NCAM2: variants seen among roughly 807,000 people sequenced by gnomAD.
NCAM2 encodes the protein neural cell adhesion molecule 2.
NCAM2 carries 30 observed loss-of-function variants against 98.1 expected under a neutral mutation model. The observed-to-expected ratio is 0.31, with a 90% CI of 0.23 to 0.41. The LOEUF is 0.41. NCAM2 is among the 10% of genes least tolerant of loss of function. The probability of loss-of-function intolerance (pLI) is 1.00; values close to 1 mark genes in which losing one functional copy is unlikely to be tolerated. For missense variants in NCAM2, 867 were observed against 1,005.8 expected, an observed-to-expected ratio of 0.86 and a Z score of 1.87; for synonymous variants, 368 against 342.4, an observed-to-expected ratio of 1.07 and a Z score of -0.83.
intron 9 of NCAM2, among the ~76,000 whole-genome samples, chr21:21,403,640 A>G (rs1035452267): frequency 1.3e-5 from 2 of 152,220 alleles, no homozygotes; most frequent in Non-Finnish European, 2.9e-5. Context: ...CAAATATATC[A>G]TTCTGATTTG....
chr21:21,228,262 C>T (rs1488558563), intron 1 of NCAM2, among the ~76,000 whole-genome samples: 2 of 151,342 alleles, frequency 1.3e-5, no homozygotes, highest in South Asian at 4.1e-4. Context: ...GAGGGGCTGT[C>T]AGATTAATAC....
chr21:21,110,150 GGGCTT>G (rs1385392555), intron 1 of NCAM2, among the ~76,000 whole-genome samples: 1 of 152,158 alleles, frequency 6.6e-6, no homozygotes, highest in Non-Finnish European at 1.5e-5. Flanking sequence ...TACATACAGA[GGGCTT>G]CAGCGTCCTC....
chr21:21,359,489 AAT>A (rs1389241145), intron 8 of NCAM2, among the ~76,000 whole-genome samples: 7 of 152,126 alleles, frequency 4.6e-5, no homozygotes, highest in South Asian at 4.1e-4. Context: ...TTTTAAATTG[AAT>A]ATGTCTTTTT....
rs559510627 is a variant in NCAM2, at chr21:21,473,392, A to T, written c.1897-3899A>T. On this transcript the variant is annotated intron_variant, in intron 14 of 17. Transcript: ENST00000400546. ...TGTATAAATATATATATATATATAT[A>T]TTATATATAAAATCCAGACTGATCA... is the stretch of plus-strand genomic sequence containing the variant. Among the ~76,000 whole-genome samples, 6 of 139,184 alleles carry T rather than the reference A, an allele frequency of 4.3e-5. No individual in the cohort carries two copies. The South Asian group carries it at 1.3e-3, about 31-fold the overall frequency. The allele number at this position is 139,184 out of a possible 152,430, so 91.3% of individuals were successfully genotyped here.
chr21:21,277,821 GA>G (rs1294400262), intron 1 of NCAM2, among the ~76,000 whole-genome samples: 4 of 152,004 alleles, frequency 2.6e-5, no homozygotes, highest in African/African-American at 9.7e-5. Context: ...GCAAAAGTGA[GA>G]AAAAATATGG....
At chr21:21,402,068 A>G (rs371685545) in intron 9 of NCAM2, among the ~76,000 whole-genome samples, 2 of 152,324 alleles carry the variant, frequency 1.3e-5, no homozygotes, top group African/African-American at 2.4e-5. Context: ...ATTGTAAAAC[A>G]TATGTGTTTG....
chr21:21,196,922 A>G (rs1182650964), intron 1 of NCAM2, among the ~76,000 whole-genome samples: 1 of 151,716 alleles, frequency 6.6e-6, no homozygotes, highest in African/African-American at 2.4e-5. Flanking sequence ...TTCTTGGGAG[A>G]TCTCGTTGTT....
At chr21:21,040,036 G>A (rs143210392) in intron 1 of NCAM2, among the ~76,000 whole-genome samples, 9 of 152,196 alleles carry the variant, frequency 5.9e-5, no homozygotes, top group Middle Eastern at 3.4e-3. Flanking sequence ...GGCAACCTTC[G>A]CTAGCACATT....
chr21:21,053,729 A>G (rs1323230318), intron 1 of NCAM2, among the ~76,000 whole-genome samples: 1 of 148,880 alleles, frequency 6.7e-6, no homozygotes, highest in Non-Finnish European at 1.5e-5. Flanking sequence ...CTTTTCTGTC[A>G]TTTTGCGTTT....
At position 21,044,035 on chromosome 21, in the gene NCAM2, T is replaced by TTGTGTG. The variant is rs61626238; in HGVS notation, c.55+45428_55+45433dup. Reference sequence around the variant, plus strand: ...GTAGAAATCATTTTATTTGAAGACTTTGTGTGTGTGTGTGTGGCAGAGAGA... The same window carrying TTGTGTG: ...GTAGAAATCATTTTATTTGAAGACTTTGTGTGTGTGTGTGTGTGTGTGGCAGAGAGA... On this transcript the variant is annotated intron_variant, in intron 1 of 17. Coordinates refer to ENST00000400546, the MANE Select transcript of NCAM2 (RefSeq NM_004540.5). Among the ~76,000 whole-genome samples, 214 of 150,194 alleles carry TTGTGTG rather than the reference T, an allele frequency of 1.4e-3. 1 individual carries two copies. Among genetic ancestry groups the TTGTGTG allele is most frequent in the African/African-American group, 3.9e-3 (160 of 41,062 alleles).
At chr21:21,071,678 A>G (rs2065566641) in intron 1 of NCAM2, among the ~76,000 whole-genome samples, 2 of 152,096 alleles carry the variant, frequency 1.3e-5, no homozygotes, top group South Asian at 4.1e-4. Context: ...TGGTTTTAAT[A>G]TTTTTTTCCT....
rs967121009 is a variant in NCAM2, at chr21:21,238,247, G to A, written c.56-42331G>A. 4.6e-5 allele frequency among the ~76,000 whole-genome samples: 7 copies of A among 152,008 alleles called. No homozygotes were observed. In the South Asian group the frequency reaches 1.0e-3, roughly 23 times the overall value. ...GCTGGGATTACAGGGATGAGCCACC[G>A]CGACCACCCAAAACAGTATTACTGA... On this transcript the variant is annotated intron_variant, in intron 1 of 17. Transcript: ENST00000400546.
intron 1 of NCAM2, among the ~76,000 whole-genome samples, chr21:21,115,979 GTGTGTGTGTGTGTC>G (rs1038115024): frequency 9.4e-5 from 13 of 138,476 alleles, no homozygotes; most frequent in East Asian, 6.5e-4. Flanking sequence ...GTGTGTGTGT[GTGTGTGTGTGTGTC>G]TGTCTGTCTT....
chr21:21,369,553 T>C (rs1432751258), intron 8 of NCAM2, among the ~76,000 whole-genome samples: 1 of 151,868 alleles, frequency 6.6e-6, no homozygotes, highest in Admixed American at 6.6e-5. Context: ...ATCTGCACCA[T>C]TTTACATTCC....
intron 15 of NCAM2, among the ~76,000 whole-genome samples, chr21:21,485,970 G>A (rs1986315503): frequency 6.6e-6 from 1 of 151,856 alleles, no homozygotes; most frequent in African/African-American, 2.4e-5. Flanking sequence ...TCTAGTAATA[G>A]ACCTGTAGAC....
intron 2 of NCAM2, 137 bp from the exon 3 acceptor site, chr21:21,284,057 G>A: frequency 3.0e-6 from 2 of 662,422 alleles, no homozygotes; most frequent in Non-Finnish European, 5.1e-6. Context: ...TTTAAGTTTT[G>A]TAAGATTCTC....
chr21:21,134,968 C>T (rs1424154137), intron 1 of NCAM2, among the ~76,000 whole-genome samples: 1 of 151,774 alleles, frequency 6.6e-6, no homozygotes, highest in African/African-American at 2.4e-5. Flanking sequence ...GGCGCGGCGG[C>T]TCACGCCTGT....
chr21:21,406,580 C>T (rs994343581), intron 9 of NCAM2, among the ~76,000 whole-genome samples: 1 of 152,182 alleles, frequency 6.6e-6, no homozygotes, highest in African/African-American at 2.4e-5. Flanking sequence ...GTCACTGGCA[C>T]TGGAGGCTTT....
intron 1 of NCAM2, among the ~76,000 whole-genome samples, chr21:21,082,225 T>TAAAAAAAAAAAA (rs57713170): frequency 1.6e-3 from 132 of 82,890 alleles, no homozygotes; most frequent in African/African-American, 5.6e-3. Flanking sequence ...GAGAATCCTT[T>TAAAAAAAAAAAA]AAAAAAAAAA....
Sources: gnomAD v4.1 joint callset for allele counts (sites outside exome capture counted in the v4.1 genomes callset) on GRCh38, gnomAD v4.1.1 for gene constraint, MANE v1.5 for transcripts, NCBI Gene and HGNC (gene_info 2026-07-23, HGNC 2026-07-21) for gene names.